Variants in ASB10 observed in about 807,000 individuals in gnomAD.
ASB10 encodes ankyrin repeat and SOCS box protein 10.
ASB10 carries 44 observed loss-of-function variants against 35.4 expected under a neutral mutation model. That is an observed-to-expected ratio of 1.24 (90% confidence interval 0.98 to 1.60). ASB10 has a LOEUF of 1.60. ASB10 is among the 40% of genes most tolerant of loss of function. The pLI, the probability that ASB10 is intolerant of heterozygous loss-of-function variation, is 0.00. For missense variants in ASB10, 647 were observed against 634.3 expected, an observed-to-expected ratio of 1.02 and a Z score of -0.22; for synonymous variants, 294 against 280.4, an observed-to-expected ratio of 1.05 and a Z score of -0.49.
At chr7:151,176,719 C>T (rs1801396915) in intron 3 of ASB10, 43 bp from the exon 4 acceptor site, 1 of 1,358,144 alleles carries the variant, frequency 7.4e-7, no homozygotes, top group Non-Finnish European at 1.0e-6. Flanking sequence ...TCAGTCCACA[C>T]AGTGACCAGA....
Position 151,186,916 on chromosome 7 carries a change from C to G in ASB10, c.215G>C (p.Arg72Pro). ...GCCAGTACTGGAGTCCGCGAGGATG[C>G]GGGAGACACAGCCCACGTCCCCAGC... The part of the protein sequence containing the change: ...VLAGDVGCVS[R>P]ILADSSTGLA... Residue 72 changes from arginine (R) to proline (P), a missense_variant, in exon 1 of 6, where the codon CGC (arginine) becomes CCC (proline). By Grantham distance (103) the Arg-to-Pro change is moderately radical. Coordinates refer to ENST00000420175, the MANE Select transcript of ASB10 (RefSeq NM_001142459.2). 1.9e-6 allele frequency: 3 copies of G among 1,613,920 alleles called. No individual in the cohort carries two copies. The highest frequency in any genetic ancestry group is 2.5e-6 in the Non-Finnish European group (3 of 1,180,004).
Position 151,176,680 on chromosome 7 carries a change from T to A in ASB10, c.1105-4A>T, listed in dbSNP as rs1454795436. 2 of 1,547,558 alleles carry A rather than the reference T, an allele frequency of 1.3e-6. No homozygotes were observed. Among genetic ancestry groups the A allele is most frequent in the Non-Finnish European group, 1.7e-6 (2 of 1,143,756 alleles). Reference sequence around the variant, plus strand: ...ACGTGCTCCAGCGCTCCAGCACCTGTGGGAGGCAGAGGCATGTTGGGTCCT... The same window carrying A: ...ACGTGCTCCAGCGCTCCAGCACCTGAGGGAGGCAGAGGCATGTTGGGTCCT... On this transcript the variant is annotated splice_region_variant and splice_polypyrimidine_tract_variant and intron_variant, in intron 3 of 5. Coordinates refer to ENST00000420175, the MANE Select transcript of ASB10 (RefSeq NM_001142459.2).
rs920639874 is a variant in ASB10 at position 151,175,784 on chromosome 7, C to T, written c.*183G>A. On this transcript the variant is annotated 3_prime_UTR_variant, in exon 6 of 6. Coordinates refer to ENST00000420175, the MANE Select transcript of ASB10 (RefSeq NM_001142459.2). ...GAGAGCCCCAGTAGGAGTGTGTCTT[C>T]ATCAGACATCACCCGGCTGCCGCTG... 1.1e-5 allele frequency: 4 copies of T among 353,226 alleles called. No homozygotes were observed. The highest frequency in any genetic ancestry group is 6.4e-5 in the African/African-American group (3 of 46,718). 21.9% of individuals were successfully genotyped at this position (353,226 alleles called of 1,614,324 possible).
intron 1 of ASB10, 27 bp downstream of exon 1, chr7:151,186,788 G>T: frequency 6.4e-7 from 1 of 1,552,920 alleles, no homozygotes; most frequent in South Asian, 1.2e-5. Context: ...CTCTCCCACT[G>T]AGAGCCCCCA....
At chr7:151,176,920 A>C (rs1801400426) in intron 3 of ASB10, among the ~76,000 whole-genome samples, 1 of 152,254 alleles carries the variant, frequency 6.6e-6, no homozygotes, top group Non-Finnish European at 1.5e-5. Context: ...GAGAAAACAG[A>C]GGCACAGACA....
intron 3 of ASB10, among the ~76,000 whole-genome samples, chr7:151,177,954 A>G (rs2150555591): frequency 6.6e-6 from 1 of 152,240 alleles, no homozygotes; most frequent in East Asian, 1.9e-4. Flanking sequence ...GCTGCAATGA[A>G]AAATAAGAAG....
chr7:151,175,893 T>A lies in ASB10; in HGVS notation c.*74A>T, dbSNP rs1231092161. On this transcript the variant is annotated 3_prime_UTR_variant, in exon 6 of 6. Transcript: ENST00000420175. ...CTCCTGCTGCCAGGGCTACCTGGCCTGAGTTAGTGCAGAGGCGCGCCCTCT... is the reference window on the plus strand; with the variant it reads ...CTCCTGCTGCCAGGGCTACCTGGCCAGAGTTAGTGCAGAGGCGCGCCCTCT... 2.2e-5 allele frequency: 12 copies of A among 538,324 alleles called. No homozygotes were observed. The highest frequency in any genetic ancestry group is 4.0e-5 in the African/African-American group (2 of 50,314). 33.3% of individuals were successfully genotyped at this position (538,324 alleles called of 1,614,324 possible).
upstream of ASB10, chr7:151,187,577 G>A (rs756582908): frequency 6.4e-7 from 1 of 1,551,220 alleles, no homozygotes; most frequent in South Asian, 1.2e-5. This position sits in a 1 kb window ranked among gnomAD's most constrained non-coding sequence, Gnocchi z 5.3. Flanking sequence ...ATTCTGCAGG[G>A]CCATGTCTTG....
In ASB10 at chr7:151,176,094, A is replaced by T. The variant is rs756697942; in HGVS notation, c.*18T>A. The stretch of plus-strand genomic sequence containing the variant: ...GGACCCCAAGCAGCTGTGACTGCTC[A>T]CAGATCCCGGGGCTCACCTAGTAGA... On this transcript the variant is annotated intron_variant, in intron 5 of 5. Coordinates refer to ENST00000420175, the MANE Select transcript of ASB10 (RefSeq NM_001142459.2). 205 of 1,609,014 alleles carry T rather than the reference A, an allele frequency of 1.3e-4. 3 individuals carry two copies. The highest frequency in any genetic ancestry group is 1.3e-3 in the Admixed American group (76 of 59,832).
At chr7:151,177,060 C>G (rs1426294198) in intron 3 of ASB10, among the ~76,000 whole-genome samples, 2 of 152,240 alleles carry the variant, frequency 1.3e-5, no homozygotes, top group Admixed American at 6.5e-5. Context: ...GGAACAGATT[C>G]TCCCTCAGAA....
Position 151,181,184 on chromosome 7 carries a change from C to G in ASB10, c.859G>C (p.Ala287Pro). ...TGCTTGTCCTGGTCCGCAGCATCAG[C>G]GTCTGCTCCAGCTGAAAGCAGCAAG... ...CSLLLSAGADADAADQDKQRP... is the reference protein window; with the variant it reads ...CSLLLSAGADPDAADQDKQRP... Residue 287 changes from alanine (A) to proline (P), a missense_variant, in exon 3 of 6, where the codon GCT (alanine) becomes CCT (proline). Physicochemically the swap from Ala to Pro is conservative, Grantham distance 27. Transcript: ENST00000420175. 6.2e-7 allele frequency: 1 copy of G among 1,611,876 alleles called. No homozygotes were observed. The highest frequency in any genetic ancestry group is 1.1e-5 in the South Asian group (1 of 91,034).
rs761668005 is a variant in ASB10, at chr7:151,181,207, A to G, written c.836T>C (p.Leu279Ser). ...TTARCLQLCSLLLSAGADADA... is the reference protein window; with the variant it reads ...TTARCLQLCSSLLSAGADADA... Reference sequence around the variant, plus strand: ...AGCGTCTGCTCCAGCTGAAAGCAGCAAGCTGCACAGCTGCAGGCAGCGGGC... The same window carrying G: ...AGCGTCTGCTCCAGCTGAAAGCAGCGAGCTGCACAGCTGCAGGCAGCGGGC... Residue 279 changes from leucine to serine, a missense_variant, in exon 3 of 6, where the codon TTG (leucine) becomes TCG (serine). Transcript: ENST00000420175. The G allele has an allele frequency of 6.2e-7, 1 of 1,612,690 alleles. No individual in the cohort carries two copies. The highest frequency in any genetic ancestry group is 8.5e-7 in the Non-Finnish European group (1 of 1,179,716).
chr7:151,187,132 T>A lies in ASB10; in HGVS notation c.-2A>T. Reference sequence around the variant, plus strand: ...TTCTGGAGACCAACTCATGAGCATGTGGGCAGGGAAAGGGGAGTGGGGAGG... The same window carrying A: ...TTCTGGAGACCAACTCATGAGCATGAGGGCAGGGAAAGGGGAGTGGGGAGG... On this transcript the variant is annotated 5_prime_UTR_variant, in exon 1 of 6. Transcript: ENST00000420175. The surrounding 1 kb of genome is among the most constrained non-coding windows in gnomAD (Gnocchi z 5.3). 1 of 1,579,680 alleles carries A rather than the reference T, an allele frequency of 6.3e-7. No homozygotes were observed. Among genetic ancestry groups the A allele is most frequent in the South Asian group, 1.2e-5 (1 of 86,424 alleles).
At chr7:151,186,273 G>A (rs966820450) in intron 2 of ASB10, 119 bp downstream of exon 2, 32 of 1,289,372 alleles carry the variant, frequency 2.5e-5, no homozygotes, top group South Asian at 4.7e-5. Context: ...ACCCTGACCC[G>A]CGCCCCAAGC....
In ASB10 at chr7:151,176,673, G is replaced by A. The variant is rs1443815898; in HGVS notation, c.1108C>T (p.Leu370=). Residue 370 remains leucine, a synonymous_variant, in exon 4 of 6, where the codon CTG becomes TTG. Coordinates refer to ENST00000420175, the MANE Select transcript of ASB10 (RefSeq NM_001142459.2). ...RVWPGALPKV[L]ERWSTCPRTI... ...CGAGGGCACGTGCTCCAGCGCTCCA[G>A]CACCTGTGGGAGGCAGAGGCATGTT... 6.5e-7 allele frequency: 1 copy of A among 1,549,832 alleles called. No homozygotes were observed. The highest frequency in any genetic ancestry group is 1.4e-5 in the African/African-American group (1 of 73,116).
At chr7:151,186,031 TG>T (rs1801581686) in intron 2 of ASB10, among the ~76,000 whole-genome samples, 1 of 152,164 alleles carries the variant, frequency 6.6e-6, no homozygotes, top group Admixed American at 6.5e-5. Flanking sequence ...ACTTAGTTGC[TG>T]TTGTGCTTAG....
At chr7:151,182,683 G>A (rs925879106) in intron 2 of ASB10, among the ~76,000 whole-genome samples, 8 of 152,206 alleles carry the variant, frequency 5.3e-5, no homozygotes, top group African/African-American at 1.9e-4. Context: ...CCTCACTTCA[G>A]GGCTAACGGG....
chr7:151,187,541 C>T (rs764369078), upstream of ASB10: 43 of 1,551,444 alleles, frequency 2.8e-5, no homozygotes, highest in East Asian at 9.8e-4. The surrounding 1 kb of genome is among the most constrained non-coding windows in gnomAD (Gnocchi z 5.3). Context: ...CTCCTGCAAC[C>T]TTGCCAGGTC....
Position 151,186,565 on chromosome 7 carries a change from C to T in ASB10, c.411G>A (p.Arg137=). The change falls in exon 2 of 6, where the codon AGG becomes AGA. Residue 137 remains arginine (R), a synonymous_variant. Coordinates refer to ENST00000420175, the MANE Select transcript of ASB10 (RefSeq NM_001142459.2). ...GGGCACTGTCTGGCCTTGCTCGCCG[C>T]CTCAGCAGCAGCCGCAGGACTTCCG... ...GHTEVLRLLL[R]RRARPDSAPG... 6.2e-7 allele frequency: 1 copy of T among 1,606,340 alleles called. No individual in the cohort carries two copies. The highest frequency in any genetic ancestry group is 1.7e-4 in the Middle Eastern group (1 of 6,022).
Sources: gnomAD v4.1 joint callset for allele counts (sites outside exome capture counted in the v4.1 genomes callset) on GRCh38, gnomAD v4.1.1 for gene constraint, Gnocchi (gnomAD v3.1) non-coding constraint, MANE v1.5 for transcripts, NCBI Gene and HGNC (gene_info 2026-07-23, HGNC 2026-07-21) for gene names.